NBPF10: variants seen among roughly 807,000 people sequenced by gnomAD.
NBPF10 encodes the protein NBPF member 10.
NBPF10 carries 63 observed loss-of-function variants against 77.9 expected under a neutral mutation model. The observed-to-expected ratio is 0.81, with a 90% confidence interval of 0.66 to 1.00. NBPF10 has a LOEUF of 1.00. Ranked by LOEUF, NBPF10 falls within the 50% of genes least tolerant of loss-of-function variation. The probability of loss-of-function intolerance (pLI) is 0.00; values close to 1 mark genes in which losing one functional copy is unlikely to be tolerated. For synonymous variants in NBPF10, 146 were observed against 264.5 expected (o/e 0.55, Z 4.35); for missense variants, 522 against 679.8 (o/e 0.77, Z 2.58).
At chr1:146,142,433 T>G (rs1486106867) in intron 2 of NBPF10, among the ~76,000 whole-genome samples, 532 of 130,400 alleles carry the variant, frequency 4.1e-3, no homozygotes, top group Non-Finnish European at 6.9e-3. Context: ...AACAATTACT[T>G]GTTTGAAAAA....
intron 5 of NBPF10, among the ~76,000 whole-genome samples, chr1:146,138,826 G>A (rs1396455885): frequency 3.1e-5 from 4 of 129,338 alleles, no homozygotes; most frequent in Non-Finnish European, 5.2e-5. Context: ...ACTCTGTCAC[G>A]CAGGCTGCAG....
chr1:146,067,543 C>G (rs1335757203), intron 88 of NBPF10, among the ~76,000 whole-genome samples: 30 of 149,944 alleles, frequency 2.0e-4, no homozygotes, highest in Admixed American at 1.3e-3. Flanking sequence ...TTTGTGCAAA[C>G]AGTTACGCCA....
At chr1:146,068,111 A>G (rs1655378592) in exon 88 of NBPF10, 3 of 513,170 alleles carry the variant, frequency 5.8e-6, no homozygotes, top group East Asian at 3.2e-5. Context: ...GGAGTCGAAT[A>G]ACATCTATCC....
At chr1:146,072,898 G>A (rs1168354666) in exon 82 of NBPF10, 12 of 140,300 alleles carry the variant, frequency 8.6e-5, no homozygotes, top group African/African-American at 4.7e-4. Context: ...GCTCCCTGCT[G>A]AGCCTGGAAA....
chr1:146,126,146 C>G (rs1294584688), intron 14 of NBPF10, 90 bp downstream of exon 14: 6 of 846,710 alleles, frequency 7.1e-6, no homozygotes, highest in African/African-American at 3.3e-5. Context: ...AATGACATCT[C>G]TCAGCTCAGT....
chr1:146,136,855 CT>C (rs1168156026), intron 6 of NBPF10, among the ~76,000 whole-genome samples: 11 of 148,716 alleles, frequency 7.4e-5, no homozygotes, highest in African/African-American at 2.3e-4. Flanking sequence ...GACTATGGGA[CT>C]GATGGTTTCC....
chr1:146,126,188 A>G (rs1553789824), intron 14 of NBPF10, 48 bp downstream of exon 14: 1 of 1,022,936 alleles, frequency 9.8e-7, no homozygotes, highest in African/African-American at 1.6e-5. Context: ...TATGACCCTA[A>G]CCAGAAGACT....
intron 33 of NBPF10, 99 bp from the exon 34 acceptor site, chr1:146,110,783 GA>G: frequency 7.3e-5 from 2 of 27,472 alleles, no homozygotes; most frequent in South Asian, 2.7e-4. Flanking sequence ...TGTTTAAAAA[GA>G]AAAAGGACAG....
rs781966051 is a variant in NBPF10 at position 146,126,239 on chromosome 1, C to A, written c.2023G>T (p.Asp675Tyr). 47 of 1,604,654 alleles carry A rather than the reference C, an allele frequency of 2.9e-5. 1 individual carries two copies. Among genetic ancestry groups the A allele is most frequent in the Non-Finnish European group, 3.9e-5 (46 of 1,173,712 alleles). The change falls in exon 14 of 90, where the codon GAT becomes TAT. Residue 675 changes from aspartate (D) to tyrosine (Y), a missense_variant. This residue lies in a region of NBPF10 where 178 missense variants were observed against 77.7 expected (regional missense o/e 2.29). Coordinates refer to ENST00000583866, the Ensembl canonical transcript of NBPF10. ...ACCTTCATAGAAAGGTACTCACCAT[C>A]CATGTCAATAGCCAAGCCAACACGC...
At chr1:146,136,180 C>G (rs77944128) in intron 7 of NBPF10, among the ~76,000 whole-genome samples, 173 bp downstream of exon 7, 1 of 151,092 alleles carries the variant, frequency 6.6e-6, no homozygotes, top group African/African-American at 2.5e-5. Flanking sequence ...AACTGCAACC[C>G]ATACATTTTT....
intron 2 of NBPF10, among the ~76,000 whole-genome samples, chr1:146,142,380 TCCC>T: frequency 7.5e-6 from 1 of 133,894 alleles, no homozygotes; most frequent in South Asian, 2.6e-4. Context: ...GCTGGGTGGT[TCCC>T]ACTCCTTTGG....
At chr1:146,127,949 T>A (rs1553790929) in intron 12 of NBPF10, among the ~76,000 whole-genome samples, 170 bp downstream of exon 12, 1 of 150,052 alleles carries the variant, frequency 6.7e-6, no homozygotes, top group Non-Finnish European at 1.5e-5. Flanking sequence ...ACCCACCCCA[T>A]GCCTGTGCTT....
chr1:146,085,902 A>C (rs1656654810), intron 65 of NBPF10, among the ~76,000 whole-genome samples: 1 of 16,944 alleles, frequency 5.9e-5, no homozygotes. Flanking sequence ...ATTTTCCATA[A>C]AACGTGCTCA....
chr1:146,138,774 TTTC>T (rs1434180440), intron 5 of NBPF10, among the ~76,000 whole-genome samples: 3 of 129,350 alleles, frequency 2.3e-5, no homozygotes, highest in African/African-American at 5.2e-5. Context: ...TTTTAATTTT[TTTC>T]TTTTTTGGTT....
chr1:146,067,549 C>G lies in NBPF10; in HGVS notation c.11036-261G>C, dbSNP rs139094502. 8.7e-5 allele frequency among the ~76,000 whole-genome samples: 13 copies of G among 149,830 alleles called. No homozygotes were observed. In the East Asian group the frequency reaches 2.6e-3, roughly 30 times the overall value. On this transcript the variant is annotated intron_variant, in intron 88 of 89. Transcript: ENST00000583866. ...TGTCCCAAGTTTGTGCAAACAGTTA[C>G]GCCATATTTTTCCAATCAACGTAAA...
intron 13 of NBPF10, among the ~76,000 whole-genome samples, chr1:146,126,758 C>T (rs1658753255): frequency 7.1e-6 from 1 of 141,806 alleles, no homozygotes; most frequent in African/African-American, 2.6e-5. Flanking sequence ...AATAATTTTG[C>T]ATAAAATGTG....
rs56881979 is a variant in NBPF10 at position 146,126,596 on chromosome 1, G to GACACACACACAC, written c.1854-200_1854-189dup. Among the ~76,000 whole-genome samples the GACACACACACAC allele has an allele frequency of 7.0e-3, 791 of 113,132 alleles. 3 individuals carry two copies. Among genetic ancestry groups the GACACACACACAC allele is most frequent in the African/African-American group, 0.011 (367 of 32,578 alleles). 74.2% of individuals were successfully genotyped at this position (113,132 alleles called of 152,430 possible). A position where few individuals can be genotyped will look rare whatever the true frequency, so the allele number is the denominator to read the frequency against. ...CAGGTAGAAAAGGATGAACGAGAAA[G>GACACACACACAC]ACACACACACACACACACACACACA... is the stretch of plus-strand genomic sequence containing the variant. On this transcript the variant is annotated intron_variant, in intron 13 of 89. Coordinates refer to ENST00000583866, the Ensembl canonical transcript of NBPF10.
intron 8 of NBPF10, 27 bp from the exon 9 acceptor site, chr1:146,134,292 G>A (rs372467360): frequency 3.7e-6 from 6 of 1,601,138 alleles, no homozygotes; most frequent in East Asian, 2.2e-5. Context: ...GTTCGTTCAG[G>A]TATTTCCCAC....
At chr1:146,136,059 G>T (rs1389532003) in intron 7 of NBPF10, among the ~76,000 whole-genome samples, 5 of 147,034 alleles carry the variant, frequency 3.4e-5, no homozygotes, top group Admixed American at 2.0e-4. Context: ...ACCATTTTGA[G>T]TATACTGAAT....
Sources: gnomAD v4.1 joint callset for allele counts (sites outside exome capture counted in the v4.1 genomes callset) on GRCh38, gnomAD v4.1.1 for gene constraint, gnomAD v4.1.1 regional missense constraint, MANE v1.5 for transcripts, NCBI Gene and HGNC (gene_info 2026-07-23, HGNC 2026-07-21) for gene names.